ATP11C: variants seen among roughly 807,000 people sequenced by gnomAD.
ATP11C encodes ATPase phospholipid transporting 11C (ATP11C blood group).
ATP11C carries 36 observed loss-of-function variants against 97.4 expected under a neutral mutation model. That is an observed-to-expected ratio of 0.37 (90% CI 0.28 to 0.49). The LOEUF is 0.49. Ranked by LOEUF, ATP11C falls within the 20% of genes least tolerant of loss-of-function variation. The pLI is 0.98. For missense variants in ATP11C, 730 were observed against 824.6 expected (o/e 0.89, Z 1.40); for synonymous variants, 275 against 290.9 (o/e 0.95, Z 0.56).
At chrX:139,908,016 G>C (rs1292161310) in intron 1 of ATP11C, among the ~76,000 whole-genome samples, 28 of 111,043 alleles carry the variant, frequency 2.5e-4, no homozygotes, top group Non-Finnish European at 5.3e-4. Context: ...ATGTGTGAAT[G>C]GATTAAATAG....
At chrX:139,787,856 G>A (rs2082607870) in intron 14 of ATP11C, among the ~76,000 whole-genome samples, 1 of 112,246 alleles carries the variant, frequency 8.9e-6, no homozygotes, top group Non-Finnish European at 1.9e-5. Context: ...CTCAAATGAT[G>A]TCAAAATTGC....
At chrX:139,934,441 T>TTA (rs1340389124), upstream of ATP11C, among the ~76,000 whole-genome samples, 1 of 111,353 alleles carries the variant, frequency 9.0e-6, no homozygotes, top group African/African-American at 3.3e-5. Flanking sequence ...AAATTTATAT[T>TTA]TATATTAATC....
chrX:139,782,577 T>C lies in ATP11C; in HGVS notation c.1922A>G (p.Asn641Ser). 8.3e-7 allele frequency: 1 copy of C among 1,205,489 alleles called. No individual in the cohort carries two copies. Among genetic ancestry groups the C allele is most frequent in the Non-Finnish European group, 1.1e-6 (1 of 892,552 alleles). Residue 641 changes from asparagine to serine, a missense_variant, in exon 18 of 30, where the codon AAT (asparagine) becomes AGT (serine). Physicochemically the swap from Asn to Ser is conservative, Grantham distance 46. Coordinates refer to ENST00000682941, the MANE Select transcript of ATP11C (RefSeq NM_001353812.2). The part of the protein sequence containing the change: ...KVFDDIETNM[N>S]LIGATAVEDK... ...TTCAACTGCAGTGGCTCCAATTAAA[T>C]TCATGTTTGTCTCAATATCATCGAA...
At chrX:139,804,676 T>C (rs2083003818) in intron 5 of ATP11C, 77 bp from the exon 6 acceptor site, 26 of 831,382 alleles carry the variant, frequency 3.1e-5, no homozygotes, top group Admixed American at 5.6e-5. Flanking sequence ...AGTCAAAACA[T>C]TAGCAAGAGA....
chrX:139,774,856 T>C lies in ATP11C; in HGVS notation c.2050A>G (p.Thr684Ala). The C allele has an allele frequency of 8.3e-7, 1 of 1,211,663 alleles. No individual in the cohort carries two copies. The highest frequency in any genetic ancestry group is 1.1e-6 in the Non-Finnish European group (1 of 895,490). The change falls in exon 19 of 30, where the codon ACA becomes GCA. Residue 684 changes from threonine to alanine, a missense_variant. Thr to Ala is a moderately conservative substitution (Grantham distance 58). Coordinates refer to ENST00000682941, the MANE Select transcript of ATP11C (RefSeq NM_001353812.2). ...TGDKMETAKS[T>A]CYACRLFQTN... Reference sequence around the variant, plus strand: ...TGGAAAAGGCGGCAGGCATAGCATGTGGATTTAGCTGTCTCCATCTTGTCC... The same window carrying C: ...TGGAAAAGGCGGCAGGCATAGCATGCGGATTTAGCTGTCTCCATCTTGTCC...
chrX:139,736,865 A>G (rs1326187037), intron 28 of ATP11C, among the ~76,000 whole-genome samples: 1 of 111,198 alleles, frequency 9.0e-6, no homozygotes, highest in Non-Finnish European at 1.9e-5. Flanking sequence ...TTGCGACATG[A>G]ATCTCCTCTT....
chrX:139,762,963 A>C (rs1338513551), intron 21 of ATP11C, among the ~76,000 whole-genome samples: 5 of 112,472 alleles, frequency 4.4e-5, no homozygotes, highest in African/African-American at 1.6e-4. Flanking sequence ...GTACAGCAAC[A>C]TAAGCAGGCA....
intron 1 of ATP11C, among the ~76,000 whole-genome samples, chrX:139,862,239 A>AT (rs772803478): frequency 6.2e-4 from 69 of 111,435 alleles, no homozygotes; most frequent in African/African-American, 2.2e-3. Flanking sequence ...CGCCCTACAC[A>AT]TTTTTTCATC....
chrX:139,816,820 G>T, intron 4 of ATP11C, 43 bp downstream of exon 4: 1 of 939,043 alleles, frequency 1.1e-6, no homozygotes. Flanking sequence ...ATTCCAACAA[G>T]CCTGGACTGA....
rs1355153920 is a variant in ATP11C at position 139,906,638 on chromosome X, C to A, written c.27+25378G>T. On this transcript the variant is annotated intron_variant, in intron 1 of 29. Coordinates refer to ENST00000682941, the MANE Select transcript of ATP11C (RefSeq NM_001353812.2). ...CTCTACTAAAAATACAAAAATTAGC[C>A]CGGTGCCGTAGCAGGCACCTGTAAT... Among the ~76,000 whole-genome samples, 9 of 108,669 alleles carry A rather than the reference C, an allele frequency of 8.3e-5. No individual in the cohort carries two copies. In the Admixed American group the frequency reaches 8.9e-4, roughly 11 times the overall value. 94.4% of individuals were successfully genotyped at this position (108,669 alleles called of 115,157 possible).
intron 1 of ATP11C, among the ~76,000 whole-genome samples, chrX:139,919,260 G>A (rs1296132612): frequency 1.9e-5 from 2 of 107,834 alleles, no homozygotes; most frequent in Non-Finnish European, 3.8e-5. Flanking sequence ...CACACACATG[G>A]CTGGCGTAGT....
chrX:139,759,134 G>T (rs971975873), intron 22 of ATP11C, among the ~76,000 whole-genome samples: 3 of 111,500 alleles, frequency 2.7e-5, no homozygotes, highest in Non-Finnish European at 5.6e-5. Flanking sequence ...GTGTTCTGAG[G>T]TTGAAGCAGG....
chrX:139,852,213 C>G (rs1228768813), intron 1 of ATP11C, among the ~76,000 whole-genome samples: 1 of 109,911 alleles, frequency 9.1e-6, no homozygotes, highest in African/African-American at 3.3e-5. Context: ...AAGGGTGCAC[C>G]CTTCTATACA....
At chrX:139,831,706 A>C (rs952467317) in intron 1 of ATP11C, among the ~76,000 whole-genome samples, 1 of 111,894 alleles carries the variant, frequency 8.9e-6, no homozygotes, top group African/African-American at 3.2e-5. Flanking sequence ...TCTGTGATTC[A>C]AGATTCTAAC....
At chrX:139,828,402 A>G (rs1041943084) in intron 1 of ATP11C, among the ~76,000 whole-genome samples, 2 of 111,709 alleles carry the variant, frequency 1.8e-5, no homozygotes, top group Admixed American at 1.9e-4. Flanking sequence ...TAAGAGCACC[A>G]AATTTTCCAT....
intron 1 of ATP11C, among the ~76,000 whole-genome samples, chrX:139,843,912 GAAA>G (rs199615238): frequency 1.3e-5 from 1 of 76,873 alleles, no homozygotes; most frequent in Non-Finnish European, 2.8e-5. Context: ...TTCTGACAAA[GAAA>G]AAAAAAAAAA....
chrX:139,921,935 CA>C (rs1016169468), intron 1 of ATP11C, among the ~76,000 whole-genome samples: 6 of 109,804 alleles, frequency 5.5e-5, no homozygotes, highest in African/African-American at 2.0e-4. Flanking sequence ...CCGGGCATGG[CA>C]GCTCACGCCA....
At position 139,822,396 on chromosome X, in the gene ATP11C, T is replaced by G. The variant is rs775623304; in HGVS notation, c.148-2969A>C. Among the ~76,000 whole-genome samples, 36 of 99,452 alleles carry G rather than the reference T, an allele frequency of 3.6e-4. 1 individual carries two copies. Among genetic ancestry groups the G allele is most frequent in the Non-Finnish European group, 6.4e-4 (33 of 51,934 alleles). The allele number at this position is 99,452 out of a possible 115,157, so 86.4% of individuals were successfully genotyped here. Reference sequence around the variant, plus strand: ...TGTGTGTGGTTTTTGTTTTTTGGGTTTTTTTTGTTTGTTTGTTTGTTTGTT... The same window carrying G: ...TGTGTGTGGTTTTTGTTTTTTGGGTGTTTTTTGTTTGTTTGTTTGTTTGTT... On this transcript the variant is annotated intron_variant, in intron 2 of 29. Transcript: ENST00000682941.
In ATP11C at chrX:139,880,374, T is replaced by C. The variant is rs774042230; in HGVS notation, c.27+51642A>G. ...AATTCAAATACTACTTTCCCCTTGC[T>C]CATTTTAATGTATGGCTTTCCTTTG... On this transcript the variant is annotated intron_variant, in intron 1 of 29. Coordinates refer to ENST00000682941, the MANE Select transcript of ATP11C (RefSeq NM_001353812.2). Among the ~76,000 whole-genome samples, 49 of 111,987 alleles carry C rather than the reference T, an allele frequency of 4.4e-4. 1 individual carries two copies. In the Middle Eastern group the frequency reaches 0.014, roughly 32 times the overall value.
Sources: gnomAD v4.1 joint callset for allele counts (sites outside exome capture counted in the v4.1 genomes callset) on GRCh38, gnomAD v4.1.1 for gene constraint, MANE v1.5 for transcripts, NCBI Gene and HGNC (gene_info 2026-07-23, HGNC 2026-07-21) for gene names.